The following CPM variants were observed in gnomAD, a reference collection of about 807,000 sequenced individuals.
CPM encodes the protein carboxypeptidase M.
A neutral mutation model predicts 46.4 loss-of-function variants in CPM; 35 were observed. The observed-to-expected ratio is 0.75, with a 90% CI of 0.58 to 1.00. The LOEUF (loss-of-function observed/expected upper bound fraction) is 1.00. CPM is among the 50% of genes least tolerant of loss of function. The probability of loss-of-function intolerance (pLI) is 0.00; values close to 1 mark genes in which losing one functional copy is unlikely to be tolerated. For missense variants in CPM, 422 were observed against 530.4 expected, an observed-to-expected ratio of 0.80 and a Z score of 2.01; for synonymous variants, 195 against 195.3, an observed-to-expected ratio of 1.00 and a Z score of 0.01.
At chr12:68,860,771 A>T (rs1885173729) in intron 7 of CPM, among the ~76,000 whole-genome samples, 1 of 152,198 alleles carries the variant, frequency 6.6e-6, no homozygotes, top group African/African-American at 2.4e-5. Flanking sequence ...CCTCAATTTT[A>T]TCACCTATGA....
chr12:68,903,899 T>C (rs147479965), intron 2 of CPM, among the ~76,000 whole-genome samples: 46 of 151,582 alleles, frequency 3.0e-4, no homozygotes, highest in African/African-American at 9.2e-4. Context: ...TCTTTCTTTC[T>C]TTCTTTTGAC....
chr12:68,884,993 G>A (rs1008369166), intron 3 of CPM, among the ~76,000 whole-genome samples: 1 of 152,150 alleles, frequency 6.6e-6, no homozygotes, highest in African/African-American at 2.4e-5. Flanking sequence ...GCCTAGGCTG[G>A]AGAGCAGTGG....
chr12:68,961,805 A>G (rs1281868957), intron 1 of CPM, among the ~76,000 whole-genome samples: 3 of 151,322 alleles, frequency 2.0e-5, no homozygotes, highest in Admixed American at 1.3e-4. Flanking sequence ...TGTAGGTTGA[A>G]AAGCCATCAT....
intron 2 of CPM, among the ~76,000 whole-genome samples, chr12:68,930,341 C>A (rs894904202): frequency 6.6e-6 from 1 of 152,252 alleles, no homozygotes; most frequent in African/African-American, 2.4e-5. Flanking sequence ...CTCGGCCTCC[C>A]AAGGTGCTGG....
At chr12:68,869,880 C>CA (rs58083583) in intron 5 of CPM, among the ~76,000 whole-genome samples, 23 of 110,122 alleles carry the variant, frequency 2.1e-4, no homozygotes, top group South Asian at 6.0e-4. Context: ...ATATGATTAG[C>CA]AAAAAAAAAA....
intron 3 of CPM, among the ~76,000 whole-genome samples, chr12:68,882,661 A>C (rs1344484514): frequency 1.3e-5 from 2 of 152,202 alleles, no homozygotes; most frequent in Non-Finnish European, 2.9e-5. Context: ...TGGATGAACT[A>C]ATTTACATTC....
Position 68,851,687 on chromosome 12 carries a change from T to C in CPM, c.*4750A>G, listed in dbSNP as rs1252095901. Reference sequence around the variant, plus strand: ...GCTATAAAACATCTATAAAAGGCAATGGAGTAGTTCATATGCAAAAGTATG... The same window carrying C: ...GCTATAAAACATCTATAAAAGGCAACGGAGTAGTTCATATGCAAAAGTATG... On this transcript the variant is annotated 3_prime_UTR_variant, in exon 9 of 9. Coordinates refer to ENST00000551568, the MANE Select transcript of CPM (RefSeq NM_198320.5). 1 of 151,476 alleles carries C rather than the reference T, an allele frequency of 6.6e-6. No homozygotes were observed. Among genetic ancestry groups the C allele is most frequent in the Non-Finnish European group, 1.5e-5 (1 of 67,894 alleles). The allele number at this position is 151,476 out of a possible 1,614,324, so 9.4% of individuals were successfully genotyped here. A position where few individuals can be genotyped will look rare whatever the true frequency, so the allele number is the denominator to read the frequency against.
intron 1 of CPM, among the ~76,000 whole-genome samples, chr12:68,941,714 T>G (rs1314002873): frequency 6.6e-6 from 1 of 152,236 alleles, no homozygotes; most frequent in Admixed American, 6.5e-5. Flanking sequence ...TTCTATTGTC[T>G]GCTGCTTCTC....
In CPM at chr12:68,955,192, GC is replaced by G. The variant is rs376948775; in HGVS notation, c.-4+7976del. On this transcript the variant is annotated intron_variant, in intron 1 of 8. Transcript: ENST00000546373. ...TAAAACTCAGGCAAAGGTGCCGCCA[GC>G]CACAGAGGCTTCCAGCTGGAAAAGT... Among the ~76,000 whole-genome samples, 706 of 152,344 alleles carry G rather than the reference GC, an allele frequency of 4.6e-3. 3 individuals are homozygous for G. The highest frequency in any genetic ancestry group is 0.016 in the African/African-American group (678 of 41,572).
At chr12:68,906,161 C>T (rs927747856) in intron 2 of CPM, among the ~76,000 whole-genome samples, 1 of 152,144 alleles carries the variant, frequency 6.6e-6, no homozygotes, top group Non-Finnish European at 1.5e-5. Flanking sequence ...CCTATTGATG[C>T]CCAGTATTAA....
intron 1 of CPM, among the ~76,000 whole-genome samples, chr12:68,944,390 T>C (rs1258327961): frequency 6.6e-6 from 1 of 152,154 alleles, no homozygotes. Flanking sequence ...TTATGAGACA[T>C]ACTATCAGAA....
At chr12:68,847,471 T>TTTTTTTTTG (rs1592616728), downstream of CPM, 1 of 141,358 alleles carries the variant, frequency 7.1e-6, no homozygotes, top group Non-Finnish European at 1.5e-5. Context: ...TTTTTTTTTT[T>TTTTTTTTTG]GAGACGGAGT....
intron 2 of CPM, among the ~76,000 whole-genome samples, chr12:68,888,839 A>AT (rs2136257724): frequency 6.6e-6 from 1 of 152,322 alleles, no homozygotes; most frequent in Admixed American, 6.5e-5. Flanking sequence ...GTGCATAACT[A>AT]GGTTTGGTTG....
In CPM at chr12:68,951,722, G is replaced by T. The variant is rs181563164; in HGVS notation, c.-4+11447C>A. Among the ~76,000 whole-genome samples, 5 of 152,298 alleles carry T rather than the reference G, an allele frequency of 3.3e-5. No homozygotes were observed. The East Asian group carries it at 9.6e-4, about 29-fold the overall frequency. On this transcript the variant is annotated intron_variant, in intron 1 of 8. Transcript: ENST00000546373. ...CAGGGAGGAGGCATGGAAACTGGGA[G>T]GTGCCAGAGCCCAGGGAGCAGAGCA...
intron 1 of CPM, among the ~76,000 whole-genome samples, chr12:68,949,307 G>T (rs1305542064): frequency 6.6e-6 from 1 of 152,200 alleles, no homozygotes; most frequent in Non-Finnish European, 1.5e-5. Context: ...GGAGGTCAAG[G>T]CTGCAGTAAG....
At chr12:68,901,431 A>C (rs1887107820) in intron 2 of CPM, among the ~76,000 whole-genome samples, 1 of 152,248 alleles carries the variant, frequency 6.6e-6, no homozygotes, top group East Asian at 1.9e-4. Context: ...TGATGAAAAC[A>C]CAGAGCTATA....
At position 68,856,552 on chromosome 12, in the gene CPM, G is replaced by C. The variant is rs770283891; in HGVS notation, c.1217C>G (p.Ser406Ter). 6.2e-7 allele frequency: 1 copy of C among 1,614,236 alleles called. No homozygotes were observed. Among genetic ancestry groups the C allele is most frequent in the East Asian group, 2.2e-5 (1 of 44,888 alleles). Reference protein sequence around the residue: ...FQGQLDSIPVSNPSCPMIPLY... With the variant: ...FQGQLDSIPV ...AGGAATCATTGGGCATGAAGGATTT[G>C]ATACTGGGATAGAATCCAATTGCCC... The change falls in exon 9 of 9, where the codon TCA (serine) becomes TGA (stop). Residue 406 changes from serine (S) to a stop codon, truncating the protein, a stop_gained. Coordinates refer to ENST00000551568, the MANE Select transcript of CPM (RefSeq NM_198320.5). LOFTEE classifies it high-confidence loss of function.
At chr12:68,911,711 A>G (rs1887601626) in intron 2 of CPM, among the ~76,000 whole-genome samples, 1 of 152,186 alleles carries the variant, frequency 6.6e-6, no homozygotes. Flanking sequence ...TCATATTCTG[A>G]GCACTTTATG....
chr12:68,905,946 G>A (rs1231754194), intron 2 of CPM, among the ~76,000 whole-genome samples: 1 of 152,150 alleles, frequency 6.6e-6, no homozygotes, highest in Non-Finnish European at 1.5e-5. Flanking sequence ...AGATAAGCAT[G>A]TTTATGAGGG....
Sources: gnomAD v4.1 joint callset for allele counts (sites outside exome capture counted in the v4.1 genomes callset) on GRCh38, gnomAD v4.1.1 for gene constraint, MANE v1.5 for transcripts, NCBI Gene and HGNC (gene_info 2026-07-23, HGNC 2026-07-21) for gene names.